The following MAN1A2 variants were observed in gnomAD, a reference collection of about 807,000 sequenced individuals.
MAN1A2 encodes mannosidase alpha class 1A member 2.
In MAN1A2, 26 loss-of-function variants were observed where a neutral mutation model predicts 75.7. That is an observed-to-expected ratio of 0.34 (90% CI 0.25 to 0.48). MAN1A2 has a LOEUF of 0.48. MAN1A2 is among the 20% of genes least tolerant of loss of function. The pLI is 0.99. For synonymous variants in MAN1A2, 247 were observed against 264.6 expected (o/e 0.93, Z 0.65); for missense variants, 562 against 775.5 (o/e 0.72, Z 3.27).
intron 12 of MAN1A2, among the ~76,000 whole-genome samples, chr1:117,506,949 C>T (rs1393918720): frequency 6.6e-6 from 1 of 151,526 alleles, no homozygotes; most frequent in East Asian, 1.9e-4. Flanking sequence ...ACTACAGTTT[C>T]TAATCAGCAT....
At chr1:117,503,099 G>C (rs1382541845) in intron 12 of MAN1A2, 129 bp downstream of exon 12, 1 of 523,676 alleles carries the variant, frequency 1.9e-6, no homozygotes, top group Non-Finnish European at 3.3e-6. Flanking sequence ...ATGTAATTGG[G>C]TGTGTAAATT....
intron 9 of MAN1A2, 56 bp from the exon 10 acceptor site, chr1:117,496,707 A>G (rs1651045424): frequency 7.9e-7 from 1 of 1,263,840 alleles, no homozygotes. Context: ...GGATATAGTA[A>G]GTTTGAACAC....
chr1:117,454,154 G>A (rs558750085), intron 6 of MAN1A2, among the ~76,000 whole-genome samples: 15 of 152,274 alleles, frequency 9.9e-5, no homozygotes, highest in Admixed American at 2.0e-4. Context: ...AAGTTTGTGT[G>A]ACTCATTTTG....
intron 6 of MAN1A2, among the ~76,000 whole-genome samples, chr1:117,445,880 G>GTATATATATATATATATATATA (rs771435341): frequency 2.4e-5 from 3 of 125,984 alleles, no homozygotes; most frequent in Admixed American, 7.9e-5. Context: ...GTGTCTGTGT[G>GTATATATATATATATATATATA]TGTGTATATA....
chr1:117,368,133 T>G lies in MAN1A2; in HGVS notation c.-51T>G, dbSNP rs772228639. On this transcript the variant is annotated 5_prime_UTR_variant, in exon 1 of 13. Transcript: ENST00000356554. The stretch of plus-strand genomic sequence containing the variant: ...TGAAGACAGTTCAATGTATTCTACA[T>G]TTGACATAAGATGAGAACTTTCTAA... 6.0e-6 allele frequency: 9 copies of G among 1,495,594 alleles called. No individual in the cohort carries two copies. The highest frequency in any genetic ancestry group is 7.2e-6 in the Non-Finnish European group (8 of 1,113,784). 92.6% of individuals were successfully genotyped at this position (1,495,594 alleles called of 1,614,324 possible).
In MAN1A2 at chr1:117,526,779, A is replaced by G. The variant is rs535775727; in HGVS notation, c.*3822A>G. On this transcript the variant is annotated 3_prime_UTR_variant, in exon 13 of 13. Coordinates refer to ENST00000356554, the MANE Select transcript of MAN1A2 (RefSeq NM_006699.5). ...GTTCCAAATAACAGTTCCTAGTAAT[A>G]GTATTTTGAGTTATTTTTCTTTAGG... The G allele has an allele frequency of 1.0e-4, 15 of 145,306 alleles. No homozygotes were observed. Among genetic ancestry groups the G allele is most frequent in the Non-Finnish European group, 2.0e-4 (13 of 66,656 alleles). 9.0% of individuals were successfully genotyped at this position (145,306 alleles called of 1,614,324 possible).
chr1:117,426,018 T>G (rs539158320), intron 5 of MAN1A2, among the ~76,000 whole-genome samples: 1 of 152,278 alleles, frequency 6.6e-6, no homozygotes, highest in South Asian at 2.1e-4. Flanking sequence ...GGTCTATTGG[T>G]AGTGAGTTCT....
intron 1 of MAN1A2, among the ~76,000 whole-genome samples, chr1:117,377,867 G>A (rs1365556570): frequency 6.6e-6 from 1 of 152,100 alleles, no homozygotes. Flanking sequence ...TTGGGAGGCC[G>A]AGGCGGGTGG....
intron 5 of MAN1A2, among the ~76,000 whole-genome samples, chr1:117,440,778 A>T (rs1649003162): frequency 6.6e-6 from 1 of 152,098 alleles, no homozygotes; most frequent in South Asian, 2.1e-4. Flanking sequence ...AAAAGATATG[A>T]TACAAAATGT....
intron 1 of MAN1A2, among the ~76,000 whole-genome samples, chr1:117,377,425 T>C (rs74112243): frequency 0.14 from 21,575 of 152,220 alleles, 1,753 homozygotes; most frequent in South Asian, 0.22. Flanking sequence ...ATCAACTAAC[T>C]TATAGTGCAT....
chr1:117,497,834 G>A (rs764098534), intron 10 of MAN1A2, among the ~76,000 whole-genome samples: 9 of 151,750 alleles, frequency 5.9e-5, no homozygotes, highest in Non-Finnish European at 1.2e-4. Context: ...TAGATAATGA[G>A]CTCCCTGAAA....
intron 12 of MAN1A2, chr1:117,515,866 C>G (rs1193884699): frequency 6.6e-6 from 1 of 152,004 alleles, no homozygotes; most frequent in Admixed American, 6.6e-5. Context: ...TGTGAATATA[C>G]TTAATACTAC....
intron 12 of MAN1A2, among the ~76,000 whole-genome samples, chr1:117,513,115 C>T (rs1239658146): frequency 6.6e-6 from 1 of 152,066 alleles, no homozygotes; most frequent in African/African-American, 2.4e-5. Flanking sequence ...GTCAGTTCTA[C>T]CCACCCCCAA....
chr1:117,490,896 C>G (rs1028440766), intron 8 of MAN1A2, among the ~76,000 whole-genome samples: 1 of 152,060 alleles, frequency 6.6e-6, no homozygotes, highest in Non-Finnish European at 1.5e-5. Flanking sequence ...CTACAACATT[C>G]CCTGAAGCCA....
intron 8 of MAN1A2, among the ~76,000 whole-genome samples, chr1:117,491,185 C>A (rs967420550): frequency 6.6e-6 from 1 of 151,964 alleles, no homozygotes; most frequent in African/African-American, 2.4e-5. Flanking sequence ...GTAGATGGAA[C>A]AGGTTTCTAC....
chr1:117,426,268 A>T (rs1204452564), intron 5 of MAN1A2, among the ~76,000 whole-genome samples: 1 of 149,808 alleles, frequency 6.7e-6, no homozygotes, highest in Non-Finnish European at 1.5e-5. Context: ...TTTGTTTTGT[A>T]TGAAGAGTCT....
rs919811068 is a variant in MAN1A2 at position 117,367,708 on chromosome 1, A to T, written c.-476A>T. ...TTGCAGACGTCCGTGGGAGACCCTT[A>T]TTTTTTCCACCGCTAAGGTTAAGAG... On this transcript the variant is annotated 5_prime_UTR_variant, in exon 1 of 13. Coordinates refer to ENST00000356554, the MANE Select transcript of MAN1A2 (RefSeq NM_006699.5). 6.6e-6 allele frequency: 1 copy of T among 152,510 alleles called. No homozygotes were observed. The highest frequency in any genetic ancestry group is 1.5e-5 in the Non-Finnish European group (1 of 68,384). The allele number at this position is 152,510 out of a possible 1,614,324, so 9.4% of individuals were successfully genotyped here.
At chr1:117,400,675 T>G (rs1160560040) in intron 1 of MAN1A2, among the ~76,000 whole-genome samples, 1 of 152,212 alleles carries the variant, frequency 6.6e-6, no homozygotes, top group Non-Finnish European at 1.5e-5. Flanking sequence ...TCAAGAAGTG[T>G]GTATAAACAA....
chr1:117,521,271 C>G (rs1053190863), intron 12 of MAN1A2, among the ~76,000 whole-genome samples: 2 of 151,962 alleles, frequency 1.3e-5, no homozygotes, highest in Non-Finnish European at 1.5e-5. Flanking sequence ...TGACCAAGAA[C>G]CCAAAAGCAA....
Sources: allele counts gnomAD v4.1 joint callset (sites outside exome capture counted in the v4.1 genomes callset), GRCh38; gene constraint gnomAD v4.1.1; transcripts MANE v1.5; gene names NCBI Gene and HGNC (gene_info 2026-07-23, HGNC 2026-07-21).